DIPK2B: variants seen among roughly 807,000 people sequenced by gnomAD.
DIPK2B encodes UPF0672 protein CXorf36.
A neutral mutation model predicts 22.2 loss-of-function variants in DIPK2B; 15 were observed. The ratio of observed to expected loss-of-function variants is 0.68; its 90% CI spans 0.45 to 1.04. The LOEUF (loss-of-function observed/expected upper bound fraction) is 1.04, where lower values mean the gene tolerates loss of function less well. Among genes scored for constraint, DIPK2B ranks in the 50% least tolerant of loss-of-function variants. The pLI, the probability that DIPK2B is intolerant of heterozygous loss-of-function variation, is 0.00. For synonymous variants in DIPK2B, 163 were observed against 153.2 expected, an observed-to-expected ratio of 1.06 and a Z score of -0.47; for missense variants, 345 against 348.3, an observed-to-expected ratio of 0.99 and a Z score of 0.08.
chrX:45,172,448 G>T (rs1233501621), intron 2 of DIPK2B, among the ~76,000 whole-genome samples: 2 of 111,834 alleles, frequency 1.8e-5, no homozygotes, highest in Non-Finnish European at 3.8e-5. Context: ...GGCTCACTTA[G>T]TAGTGATTAT....
Position 45,191,983 on chromosome X carries a change from A to T in DIPK2B, c.266T>A (p.Leu89Gln), listed in dbSNP as rs1157186382. 5.0e-6 allele frequency: 6 copies of T among 1,209,666 alleles called. No homozygotes were observed. The highest frequency in any genetic ancestry group is 6.7e-6 in the Non-Finnish European group (6 of 894,869). ...SDNWLASHLGLPPDSLLSYPA... is the reference protein window; with the variant it reads ...SDNWLASHLGQPPDSLLSYPA... ...ATAAGAAAGCAAGGAATCGGGAGGC[A>T]GTCCAAGGTGGGAAGCCAGCCAGTT... Residue 89 changes from leucine (L) to glutamine (Q), a missense_variant, in exon 2 of 5, where the codon CTG becomes CAG. Coordinates refer to ENST00000398000, the MANE Select transcript of DIPK2B (RefSeq NM_176819.4).
chrX:45,194,945 G>A (rs772696525), intron 1 of DIPK2B, among the ~76,000 whole-genome samples: 51 of 111,859 alleles, frequency 4.6e-4, no homozygotes, highest in Non-Finnish European at 5.1e-4. Context: ...AGGAGGCTCC[G>A]CTGAGACGAC....
chrX:45,176,754 C>T (rs1569545056), intron 2 of DIPK2B, among the ~76,000 whole-genome samples: 1 of 111,918 alleles, frequency 8.9e-6, no homozygotes, highest in African/African-American at 3.3e-5. Flanking sequence ...AGGCAACCCC[C>T]TGGAGAAATC....
chrX:45,157,614 C>T, intron 3 of DIPK2B, 101 bp downstream of exon 3: 18 of 896,894 alleles, frequency 2.0e-5, no homozygotes, highest in Non-Finnish European at 2.6e-5. Context: ...GCTAGTGGCC[C>T]AAGACATGCA....
intron 2 of DIPK2B, among the ~76,000 whole-genome samples, chrX:45,167,098 G>A (rs2047052633): frequency 8.9e-6 from 1 of 112,476 alleles, no homozygotes; most frequent in African/African-American, 3.2e-5. Context: ...TTCAATAACT[G>A]TCTCAGCTGT....
rs1188313852 is a variant in DIPK2B, at chrX:45,149,754, C to T, written c.*1898G>A. 2.7e-5 allele frequency: 3 copies of T among 112,637 alleles called. No homozygotes were observed. In the East Asian group the frequency reaches 8.5e-4, roughly 32 times the overall value. 9.3% of individuals were successfully genotyped at this position (112,637 alleles called of 1,213,427 possible). A position where few individuals can be genotyped will look rare whatever the true frequency, so the allele number is the denominator to read the frequency against. The stretch of plus-strand genomic sequence containing the variant: ...TGAGCTTAGCAAGCTCCTACTGGAC[C>T]TTCTCTCCTTCACTGGGGCTCAGCT... On this transcript the variant is annotated 3_prime_UTR_variant, in exon 5 of 5. Coordinates refer to ENST00000398000, the MANE Select transcript of DIPK2B (RefSeq NM_176819.4).
intron 2 of DIPK2B, among the ~76,000 whole-genome samples, chrX:45,168,927 T>C (rs1452794691): frequency 8.9e-6 from 1 of 112,240 alleles, no homozygotes; most frequent in Non-Finnish European, 1.9e-5. Flanking sequence ...TCAAGCTGCC[T>C]GGGTTCAAAT....
At chrX:45,162,417 A>C (rs941949399) in intron 2 of DIPK2B, 5 of 752,885 alleles carry the variant, frequency 6.6e-6, no homozygotes, top group Non-Finnish European at 7.8e-6. Flanking sequence ...GAACAGGCTT[A>C]AGAGACCATT....
At chrX:45,152,459 C>T (rs1193721367) in intron 4 of DIPK2B, among the ~76,000 whole-genome samples, 2 of 111,326 alleles carry the variant, frequency 1.8e-5, no homozygotes, top group Admixed American at 9.6e-5. Flanking sequence ...TTGAGAACCA[C>T]GTGGAAAGAA....
At chrX:45,183,330 C>A (rs766823515) in intron 2 of DIPK2B, 127 of 111,803 alleles carry the variant, frequency 1.1e-3, no homozygotes, top group African/African-American at 4.1e-3. Context: ...ATAAAGGAAG[C>A]CTTCATTGTT....
chrX:45,180,342 G>C (rs1457235238), intron 2 of DIPK2B, among the ~76,000 whole-genome samples: 1 of 111,836 alleles, frequency 8.9e-6, no homozygotes, highest in Non-Finnish European at 1.9e-5. Flanking sequence ...GAAGGCAAAA[G>C]AGGACTAGGG....
intron 2 of DIPK2B, chrX:45,162,556 G>A: frequency 2.7e-6 from 2 of 753,969 alleles, no homozygotes; most frequent in Non-Finnish European, 3.1e-6. Flanking sequence ...TTGGCCAATG[G>A]CAAACAGAAT....
At chrX:45,161,716 T>G (rs1448368646) in intron 2 of DIPK2B, among the ~76,000 whole-genome samples, 2 of 111,770 alleles carry the variant, frequency 1.8e-5, no homozygotes, top group Non-Finnish European at 3.8e-5. Context: ...TTGAAGATAT[T>G]TGTTGGTAGC....
chrX:45,198,723 C>G (rs2047252882), intron 1 of DIPK2B, among the ~76,000 whole-genome samples: 2 of 111,375 alleles, frequency 1.8e-5, no homozygotes, highest in South Asian at 3.8e-4. Flanking sequence ...ATATGTCTGC[C>G]TTCTTATTGC....
At chrX:45,157,604 G>A in intron 3 of DIPK2B, 111 bp downstream of exon 3, 1 of 805,685 alleles carries the variant, frequency 1.2e-6, no homozygotes, top group Non-Finnish European at 1.8e-6. Context: ...CCTAACACGG[G>A]CTAGTGGCCC....
At chrX:45,178,328 G>T (rs1335894248) in intron 2 of DIPK2B, among the ~76,000 whole-genome samples, 1 of 112,106 alleles carries the variant, frequency 8.9e-6, no homozygotes, top group Non-Finnish European at 1.9e-5. Flanking sequence ...TTTGATATGT[G>T]CATGCAGTAG....
At chrX:45,184,862 ATAT>A (rs1229402756) in intron 2 of DIPK2B, among the ~76,000 whole-genome samples, 2 of 111,803 alleles carry the variant, frequency 1.8e-5, no homozygotes, top group Non-Finnish European at 3.8e-5. Flanking sequence ...TATTATCCTG[ATAT>A]TATTACAATT....
At chrX:45,163,893 G>C in intron 2 of DIPK2B, 10 of 875,464 alleles carry the variant, frequency 1.1e-5, no homozygotes, top group Non-Finnish European at 1.3e-5. Flanking sequence ...TAGATCACAG[G>C]GGGATCACAT....
chrX:45,185,393 T>A (rs5952708), intron 2 of DIPK2B, among the ~76,000 whole-genome samples: 25,819 of 110,446 alleles, frequency 0.23, 2,687 homozygotes, highest in African/African-American at 0.41. Context: ...TGGTAACATC[T>A]AAGTTTAGGG....
Sources: gnomAD v4.1 joint callset for allele counts (sites outside exome capture counted in the v4.1 genomes callset) on GRCh38, gnomAD v4.1.1 for gene constraint, MANE v1.5 for transcripts, NCBI Gene and HGNC (gene_info 2026-07-23, HGNC 2026-07-21) for gene names.